NGEF: variants seen among roughly 807,000 people sequenced by gnomAD.
NGEF encodes the protein neuronal guanine nucleotide exchange factor.
In NGEF, 31 loss-of-function variants were observed where a neutral mutation model predicts 80.9. That is an observed-to-expected ratio of 0.38 (90% CI 0.29 to 0.52). The LOEUF is 0.52. Ranked by LOEUF, NGEF falls within the 20% of genes least tolerant of loss-of-function variation. The pLI is 0.84. For synonymous variants in NGEF, 371 were observed against 370.2 expected, an observed-to-expected ratio of 1.00 and a Z score of -0.03; for missense variants, 709 against 926.2, an observed-to-expected ratio of 0.77 and a Z score of 3.04.
intron 1 of NGEF, among the ~76,000 whole-genome samples, chr2:232,993,774 G>A (rs1694721841): frequency 6.6e-6 from 1 of 152,162 alleles, no homozygotes; most frequent in South Asian, 2.1e-4. Context: ...CAACATGAAG[G>A]AGGCTTGAAG....
At chr2:233,008,431 G>C (rs2106347738) in intron 1 of NGEF, among the ~76,000 whole-genome samples, 1 of 152,314 alleles carries the variant, frequency 6.6e-6, no homozygotes, top group East Asian at 1.9e-4. Flanking sequence ...GGAGTTCACT[G>C]TCATGTAGCC....
intron 1 of NGEF, among the ~76,000 whole-genome samples, chr2:233,004,430 G>A (rs1209118286): frequency 6.6e-6 from 1 of 152,156 alleles, no homozygotes; most frequent in Non-Finnish European, 1.5e-5. Context: ...GCACTTCTTG[G>A]CCTTGACTCC....
chr2:232,887,951 T>G, intron 9 of NGEF, 82 bp downstream of exon 9: 2 of 1,023,014 alleles, frequency 2.0e-6, no homozygotes, highest in Non-Finnish European at 3.1e-6. Flanking sequence ...CACACGGACA[T>G]GTGGGGAGCA....
chr2:232,933,998 C>T (rs1693274001), intron 3 of NGEF, among the ~76,000 whole-genome samples: 1 of 152,254 alleles, frequency 6.6e-6, no homozygotes, highest in African/African-American at 2.4e-5. Flanking sequence ...AATCCCAGCA[C>T]TTTGGGAGGC....
intron 3 of NGEF, among the ~76,000 whole-genome samples, chr2:232,962,390 A>G (rs1212709108): frequency 6.6e-6 from 1 of 150,728 alleles, no homozygotes; most frequent in Non-Finnish European, 1.5e-5. Flanking sequence ...TACAACAACA[A>G]CAACAAAAAT....
intron 1 of NGEF, among the ~76,000 whole-genome samples, chr2:232,989,896 A>G (rs1423031100): frequency 1.3e-5 from 2 of 152,230 alleles, no homozygotes; most frequent in African/African-American, 2.4e-5. Context: ...ACAAAGTTAA[A>G]TACCAATCCC....
At chr2:232,909,256 T>G (rs1692642551) in intron 5 of NGEF, among the ~76,000 whole-genome samples, 1 of 152,238 alleles carries the variant, frequency 6.6e-6, no homozygotes, top group Admixed American at 6.5e-5. Context: ...GGTAATAGTG[T>G]ACTCCTTTCT....
intron 5 of NGEF, chr2:232,901,298 A>G (rs1216533132): frequency 2.2e-6 from 2 of 915,588 alleles, no homozygotes; most frequent in Non-Finnish European, 2.6e-6. Flanking sequence ...CACTCGGATC[A>G]ACCCTGCGTT....
rs567442360 is a variant in NGEF at position 232,941,346 on chromosome 2, T to C, written c.384-14160A>G. ...TAAGCCATAATTTCTAATCTGTGGC[T>C]AATGTTAGTGCTGCAAAGGCAGTCT... On this transcript the variant is annotated intron_variant, in intron 3 of 14. Coordinates refer to ENST00000264051, the MANE Select transcript of NGEF (RefSeq NM_019850.3). Among the ~76,000 whole-genome samples the C allele has an allele frequency of 4.6e-5, 7 of 152,296 alleles. No homozygotes were observed. In the East Asian group the frequency reaches 1.3e-3, roughly 29 times the overall value.
intron 3 of NGEF, among the ~76,000 whole-genome samples, chr2:232,954,220 A>G (rs1369170369): frequency 6.6e-6 from 1 of 152,080 alleles, no homozygotes; most frequent in African/African-American, 2.4e-5. Flanking sequence ...CTTGACTTAA[A>G]GGAGGGTGCT....
At chr2:232,884,240 G>A in intron 10 of NGEF, 96 bp from the exon 11 acceptor site, 1 of 1,349,090 alleles carries the variant, frequency 7.4e-7, no homozygotes. Flanking sequence ...CCTGACACCT[G>A]CCCAGGGCCC....
chr2:233,007,591 A>G (rs1450122409), intron 1 of NGEF, among the ~76,000 whole-genome samples: 3 of 152,224 alleles, frequency 2.0e-5, no homozygotes, highest in Middle Eastern at 3.2e-3. Flanking sequence ...CTGTCTATGC[A>G]TGCTACTTAA....
intron 5 of NGEF, among the ~76,000 whole-genome samples, chr2:232,918,939 T>G (rs1441510339): frequency 1.3e-5 from 2 of 152,218 alleles, no homozygotes; most frequent in Non-Finnish European, 2.9e-5. Flanking sequence ...ATTTCTAAGT[T>G]TCACATCAGA....
chr2:232,982,733 C>G (rs970887876), intron 1 of NGEF, among the ~76,000 whole-genome samples: 6 of 152,196 alleles, frequency 3.9e-5, no homozygotes, highest in South Asian at 4.1e-4. Flanking sequence ...AGGCTGGTCT[C>G]GAACTCCTGA....
chr2:232,960,665 G>C (rs144513922), intron 3 of NGEF, among the ~76,000 whole-genome samples: 6,017 of 152,248 alleles, frequency 0.04, 420 homozygotes, highest in African/African-American at 0.14. Context: ...GATCACCTGA[G>C]GTCAGAAGTT....
chr2:232,958,524 T>C lies in NGEF; in HGVS notation c.383+11690A>G, dbSNP rs191664109. Among the ~76,000 whole-genome samples, 138 of 152,294 alleles carry C rather than the reference T, an allele frequency of 9.1e-4. 1 individual carries two copies. The highest frequency in any genetic ancestry group is 1.5e-3 in the Non-Finnish European group (99 of 68,020). ...ATTGAGGCCTTCTGGTGTGTTGCAC[T>C]GTGCCAATTGCTCAGGAAGCAACAA... On this transcript the variant is annotated intron_variant, in intron 3 of 14. Coordinates refer to ENST00000264051, the MANE Select transcript of NGEF (RefSeq NM_019850.3).
chr2:232,880,661 C>T (rs962488033), intron 14 of NGEF, among the ~76,000 whole-genome samples: 1 of 152,234 alleles, frequency 6.6e-6, no homozygotes, highest in Non-Finnish European at 1.5e-5. Flanking sequence ...GGAGGAACTT[C>T]GCTTGGTACT....
chr2:232,943,535 G>C (rs560433751), intron 3 of NGEF, among the ~76,000 whole-genome samples: 10 of 134,458 alleles, frequency 7.4e-5, no homozygotes, highest in East Asian at 2.0e-4. Context: ...TCACTCTGTC[G>C]CCCAGGCTGG....
intron 1 of NGEF, among the ~76,000 whole-genome samples, chr2:232,992,589 T>C (rs942619155): frequency 1.3e-5 from 2 of 151,394 alleles, no homozygotes; most frequent in African/African-American, 4.9e-5. Flanking sequence ...AAAAGAAAAT[T>C]CTCACAGAAT....
Sources: allele counts gnomAD v4.1 joint callset (sites outside exome capture counted in the v4.1 genomes callset), GRCh38; gene constraint gnomAD v4.1.1; transcripts MANE v1.5; gene names NCBI Gene and HGNC (gene_info 2026-07-23, HGNC 2026-07-21).